The following ATRNL1 variants were observed in gnomAD, a reference collection of about 807,000 sequenced individuals.
ATRNL1 encodes attractin like 1, also known as attractin-like protein 1.
ATRNL1 carries 95 observed loss-of-function variants against 182.7 expected under a neutral mutation model. The ratio of observed to expected loss-of-function variants is 0.52; its 90% CI spans 0.44 to 0.62. The LOEUF (loss-of-function observed/expected upper bound fraction) is 0.62, where lower values mean the gene tolerates loss of function less well. Ranked by LOEUF, ATRNL1 falls within the 20% of genes least tolerant of loss-of-function variation. The pLI is 0.00. For synonymous variants in ATRNL1, 576 were observed against 568.3 expected, an observed-to-expected ratio of 1.01 and a Z score of -0.19; for missense variants, 1,471 against 1,679.5, an observed-to-expected ratio of 0.88 and a Z score of 2.17.
At chr10:115,272,945 C>G (rs10885679) in intron 13 of ATRNL1, among the ~76,000 whole-genome samples, 147,150 of 152,274 alleles carry the variant, frequency 0.97, 71,122 homozygotes, top group East Asian at 1. Flanking sequence ...TTACTGATGG[C>G]AGTTATGGCA....
chr10:115,442,959 T>A (rs1846769238), intron 21 of ATRNL1, among the ~76,000 whole-genome samples: 1 of 152,104 alleles, frequency 6.6e-6, no homozygotes, highest in Non-Finnish European at 1.5e-5. Flanking sequence ...TATAGTTACA[T>A]CTTCTTTTAT....
intron 26 of ATRNL1, among the ~76,000 whole-genome samples, chr10:115,615,502 A>G (rs1592951180): frequency 6.6e-6 from 1 of 152,156 alleles, no homozygotes; most frequent in East Asian, 1.9e-4. Context: ...AGTCTGATAG[A>G]GATTCCTTTA....
intron 18 of ATRNL1, among the ~76,000 whole-genome samples, chr10:115,322,494 A>T (rs1554931835): frequency 6.6e-6 from 1 of 152,056 alleles, no homozygotes; most frequent in Non-Finnish European, 1.5e-5. Context: ...CATTATATAC[A>T]TATATTTAAA....
At chr10:115,445,383 AGT>A (rs1371599722) in intron 21 of ATRNL1, among the ~76,000 whole-genome samples, 3 of 127,816 alleles carry the variant, frequency 2.3e-5, no homozygotes, top group Non-Finnish European at 3.2e-5. Flanking sequence ...GTGAGCCAAG[AGT>A]GTGCCACTGC....
chr10:115,120,327 A>G lies in ATRNL1; in HGVS notation c.377+59A>G, dbSNP rs1038492734. 1.1e-5 allele frequency: 10 copies of G among 904,296 alleles called. No individual in the cohort carries two copies. In the African/African-American group the frequency reaches 1.4e-4, roughly 12 times the overall value. 56.0% of individuals were successfully genotyped at this position (904,296 alleles called of 1,614,324 possible). On this transcript the variant is annotated intron_variant, in intron 2 of 28. Coordinates refer to ENST00000355044, the MANE Select transcript of ATRNL1 (RefSeq NM_207303.4). ...TTATTCTTAAATGATAAAGGTGATC[A>G]TATTAATGTCAGAGCATTAGAGTAT...
At chr10:115,634,551 T>C (rs1306169618) in intron 26 of ATRNL1, among the ~76,000 whole-genome samples, 3 of 152,190 alleles carry the variant, frequency 2.0e-5, no homozygotes, top group African/African-American at 7.2e-5. Context: ...AATGGAGTTA[T>C]ATCCCATATA....
chr10:115,364,598 A>C (rs1554945316), intron 19 of ATRNL1, among the ~76,000 whole-genome samples: 3 of 149,300 alleles, frequency 2.0e-5, no homozygotes, highest in South Asian at 2.1e-4. Flanking sequence ...GTCTTGTGCC[A>C]GTTTTCAAAG....
chr10:115,930,937 C>A (rs1463988149), intron 28 of ATRNL1, among the ~76,000 whole-genome samples: 1 of 152,148 alleles, frequency 6.6e-6, no homozygotes, highest in Admixed American at 6.6e-5. Flanking sequence ...ATTTCCAACT[C>A]CTGAAAGTGA....
chr10:115,143,055 G>A (rs1845816081), intron 5 of ATRNL1, among the ~76,000 whole-genome samples: 1 of 152,144 alleles, frequency 6.6e-6, no homozygotes, highest in Non-Finnish European at 1.5e-5. Context: ...GATCTGTACT[G>A]TAGATATAAA....
At chr10:115,620,847 C>T (rs1857695920) in intron 26 of ATRNL1, among the ~76,000 whole-genome samples, 1 of 152,170 alleles carries the variant, frequency 6.6e-6, no homozygotes, top group Non-Finnish European at 1.5e-5. Flanking sequence ...GAATTTTAGA[C>T]ATGAGACATT....
Position 115,948,718 on chromosome 10 carries a change from G to T in ATRNL1, c.*3939G>T, listed in dbSNP as rs1953928365. ...TTACTCTAATTCAAAATGCTTTAAA[G>T]AATTTTCCAAGGAATACAAGCCATC... On this transcript the variant is annotated 3_prime_UTR_variant, in exon 29 of 29. Coordinates refer to ENST00000355044, the MANE Select transcript of ATRNL1 (RefSeq NM_207303.4). The T allele has an allele frequency of 6.6e-6, 1 of 151,966 alleles. No individual in the cohort carries two copies. Among genetic ancestry groups the T allele is most frequent in the South Asian group, 2.1e-4 (1 of 4,832 alleles). 9.4% of individuals were successfully genotyped at this position (151,966 alleles called of 1,614,324 possible). A position where few individuals can be genotyped will look rare whatever the true frequency, so the allele number is the denominator to read the frequency against.
intron 27 of ATRNL1, among the ~76,000 whole-genome samples, chr10:115,780,920 C>T (rs1328863998): frequency 1.3e-5 from 2 of 152,132 alleles, no homozygotes; most frequent in Non-Finnish European, 2.9e-5. Context: ...GAGACTTCTG[C>T]TTCAGCAAAG....
intron 26 of ATRNL1, among the ~76,000 whole-genome samples, chr10:115,649,773 A>G (rs2420095): frequency 0.57 from 86,524 of 151,968 alleles, 25,328 homozygotes; most frequent in East Asian, 0.96. Flanking sequence ...TCAGGAATAA[A>G]CTGTTGCATT....
At chr10:115,620,798 G>T (rs1313565993) in intron 26 of ATRNL1, among the ~76,000 whole-genome samples, 2 of 152,152 alleles carry the variant, frequency 1.3e-5, no homozygotes, top group African/African-American at 2.4e-5. Context: ...AAACACACAT[G>T]AACACATATG....
rs369283896 is a variant in ATRNL1 at position 115,248,045 on chromosome 10, C to T, written c.1687+6320C>T. Among the ~76,000 whole-genome samples the T allele has an allele frequency of 6.9e-4, 105 of 152,150 alleles. 2 individuals are homozygous for T. In the South Asian group the frequency reaches 0.021, roughly 31 times the overall value. On this transcript the variant is annotated intron_variant, in intron 10 of 28. Coordinates refer to ENST00000355044, the MANE Select transcript of ATRNL1 (RefSeq NM_207303.4). Reference sequence around the variant, plus strand: ...AGGGTGGGGGAAGTGGTAGGTTACACAGAGAGATTTGTTAAAGAATACAAA... The same window carrying T: ...AGGGTGGGGGAAGTGGTAGGTTACATAGAGAGATTTGTTAAAGAATACAAA...
chr10:115,426,338 G>T, intron 21 of ATRNL1, 36 bp downstream of exon 21: 4 of 1,448,798 alleles, frequency 2.8e-6, no homozygotes, highest in East Asian at 2.3e-5. Flanking sequence ...TAAATAATTG[G>T]TGCATACTAT....
intron 8 of ATRNL1, among the ~76,000 whole-genome samples, chr10:115,206,027 A>G (rs1848781646): frequency 6.6e-6 from 1 of 152,102 alleles, no homozygotes; most frequent in Non-Finnish European, 1.5e-5. Flanking sequence ...AGATTATCTT[A>G]GTTTTTCTGC....
intron 28 of ATRNL1, among the ~76,000 whole-genome samples, chr10:115,904,605 T>TA (rs1230308018): frequency 6.6e-6 from 1 of 152,204 alleles, no homozygotes; most frequent in Non-Finnish European, 1.5e-5. Context: ...CAAAATCTAT[T>TA]TCCTATTCCC....
chr10:115,720,562 A>G lies in ATRNL1; in HGVS notation c.3796-6686A>G, dbSNP rs1249726151. ...CACCCTGCTCTTGTTAATATTGACAATTTCCAGAGTTCCATGAGACTGATT... is the reference window on the plus strand; with the variant it reads ...CACCCTGCTCTTGTTAATATTGACAGTTTCCAGAGTTCCATGAGACTGATT... On this transcript the variant is annotated intron_variant, in intron 26 of 28. Transcript: ENST00000355044. Among the ~76,000 whole-genome samples, 9 of 152,180 alleles carry G rather than the reference A, an allele frequency of 5.9e-5. No individual in the cohort carries two copies. In the East Asian group the frequency reaches 1.3e-3, roughly 23 times the overall value.
Sources: allele counts gnomAD v4.1 joint callset (sites outside exome capture counted in the v4.1 genomes callset), GRCh38; gene constraint gnomAD v4.1.1; transcripts MANE v1.5; gene names NCBI Gene and HGNC (gene_info 2026-07-23, HGNC 2026-07-21).